The following SH2D3A variants were observed in gnomAD, a reference collection of about 807,000 sequenced individuals.
SH2D3A encodes the protein SH2 domain containing 3A.
In SH2D3A, 46 loss-of-function variants were observed where a neutral mutation model predicts 50.6. The observed-to-expected ratio is 0.91, with a 90% confidence interval of 0.72 to 1.16. The LOEUF is 1.16. Among genes scored for constraint, SH2D3A ranks in the 50% most tolerant of loss-of-function variants. The pLI, the probability that SH2D3A is intolerant of heterozygous loss-of-function variation, is 0.00. For synonymous variants in SH2D3A, 377 were observed against 348.4 expected, an observed-to-expected ratio of 1.08 and a Z score of -0.91; for missense variants, 783 against 786.2, an observed-to-expected ratio of 1.00 and a Z score of 0.05.
rs779705713 is a variant in SH2D3A, at chr19:6,753,506, A to C, written c.1520T>G (p.Met507Arg). Residue 507 changes from methionine (M) to arginine (R), a missense_variant, in exon 9 of 10, where the codon ATG becomes AGG. Physicochemically the swap from Met to Arg is moderately conservative, Grantham distance 91. Transcript: ENST00000245908. ...GCGGAATTTGGGTGCGTCCCGGACCATGTGACGCGCCCCGTGCAGGGTGCG... is the reference window on the plus strand; with the variant it reads ...GCGGAATTTGGGTGCGTCCCGGACCCTGTGACGCGCCCCGTGCAGGGTGCG... ...LLRTLHGARH[M>R]VRDAPKFRKV... The C allele has an allele frequency of 6.4e-7, 1 of 1,556,014 alleles. No homozygotes were observed. Among genetic ancestry groups the C allele is most frequent in the Non-Finnish European group, 8.7e-7 (1 of 1,150,356 alleles).
In SH2D3A at chr19:6,753,442, G is replaced by A; in HGVS notation, c.1570+14C>T. On this transcript the variant is annotated intron_variant, in intron 9 of 9. Coordinates refer to ENST00000245908, the MANE Select transcript of SH2D3A (RefSeq NM_005490.3). ...GCTCTGAAGTCTGCAGTCCAGCGCA[G>A]AGGGAACGCTCACCTCGCAGGCGCT... 1 of 1,490,334 alleles carries A rather than the reference G, an allele frequency of 6.7e-7. No individual in the cohort carries two copies. Among genetic ancestry groups the A allele is most frequent in the Non-Finnish European group, 9.0e-7 (1 of 1,112,926 alleles). 92.3% of individuals were successfully genotyped at this position (1,490,334 alleles called of 1,614,324 possible). A position where few individuals can be genotyped will look rare whatever the true frequency, so the allele number is the denominator to read the frequency against.
At chr19:6,753,981 A>G in intron 8 of SH2D3A, 71 bp downstream of exon 8, 1 of 1,476,584 alleles carries the variant, frequency 6.8e-7, no homozygotes, top group Non-Finnish European at 9.1e-7. Flanking sequence ...GACTGGGCAT[A>G]GGACTAGATT....
intron 4 of SH2D3A, among the ~76,000 whole-genome samples, chr19:6,756,509 C>T (rs1969689661): frequency 6.6e-6 from 1 of 151,876 alleles, no homozygotes; most frequent in South Asian, 2.1e-4. Flanking sequence ...ATCTGTGTGC[C>T]ATGGTGGTTT....
At chr19:6,753,797 G>T (rs1243436894) in intron 8 of SH2D3A, among the ~76,000 whole-genome samples, 156 bp from the exon 9 acceptor site, 1 of 152,156 alleles carries the variant, frequency 6.6e-6, no homozygotes, top group Non-Finnish European at 1.5e-5. Context: ...TGGAGGGCGG[G>T]GCCTATGGCG....
At chr19:6,761,954 C>CA (rs111334954) in intron 2 of SH2D3A, among the ~76,000 whole-genome samples, 277 of 67,434 alleles carry the variant, frequency 4.1e-3, no homozygotes, top group Middle Eastern at 0.023. Flanking sequence ...GTCTCAAAAA[C>CA]AAAAAAAAAA....
intron 8 of SH2D3A, among the ~76,000 whole-genome samples, 176 bp downstream of exon 8, chr19:6,753,876 G>A (rs1051644952): frequency 3.7e-4 from 56 of 152,078 alleles, no homozygotes; most frequent in African/African-American, 1.3e-3. Flanking sequence ...AACAAGTCTC[G>A]TGTGGAGGGC....
rs754330790 is a variant in SH2D3A at position 6,755,138 on chromosome 19, G to C, written c.674C>G (p.Ser225Cys). ...RTPSFELPDA[S>C]ERPPTYCELV... Reference sequence around the variant, plus strand: ...CTCGCAGTACGTCGGGGGACGTTCAGAGGCATCAGGCAGTTCGAAGGAGGG... The same window carrying C: ...CTCGCAGTACGTCGGGGGACGTTCACAGGCATCAGGCAGTTCGAAGGAGGG... Residue 225 changes from serine to cysteine, a missense_variant, in exon 5 of 10, where the codon TCT becomes TGT. By Grantham distance (112) the Ser-to-Cys change is moderately radical. Coordinates refer to ENST00000245908, the MANE Select transcript of SH2D3A (RefSeq NM_005490.3). 1.2e-6 allele frequency: 2 copies of C among 1,613,322 alleles called. No individual in the cohort carries two copies. The highest frequency in any genetic ancestry group is 1.7e-6 in the Non-Finnish European group (2 of 1,179,540).
chr19:6,763,538 C>T, intron 2 of SH2D3A, 142 bp downstream of exon 2: 1 of 579,410 alleles, frequency 1.7e-6, no homozygotes. Context: ...AGCCAGCCAA[C>T]CTTCAAGACA....
intron 1 of SH2D3A, 136 bp downstream of exon 1, chr19:6,767,251 G>C (rs1970348105): frequency 6.6e-6 from 1 of 152,192 alleles, no homozygotes; most frequent in Admixed American, 6.5e-5. Context: ...CACGCGTAAC[G>C]CACAGCGACC....
chr19:6,765,237 G>A (rs1414656211), intron 1 of SH2D3A, among the ~76,000 whole-genome samples: 1 of 151,996 alleles, frequency 6.6e-6, no homozygotes, highest in Non-Finnish European at 1.5e-5. Context: ...ACGTTGCCCA[G>A]GCTGGGTGAA....
At position 6,754,143 on chromosome 19, in the gene SH2D3A, C is replaced by A; in HGVS notation, c.1293G>T (p.Thr431=). ...LMPQVSRLEH[T]WRQLRRSHTE... Reference sequence around the variant, plus strand: ...TGTGGCTCCTTCGGAGCTGGCGCCACGTGTGCTCCAACCGGGACACCTGGG... The same window carrying A: ...TGTGGCTCCTTCGGAGCTGGCGCCAAGTGTGCTCCAACCGGGACACCTGGG... Residue 431 remains threonine, a synonymous_variant, in exon 8 of 10, where the codon ACG becomes ACT. Transcript: ENST00000245908. 3 of 1,613,366 alleles carry A rather than the reference C, an allele frequency of 1.9e-6. No individual in the cohort carries two copies. The highest frequency in any genetic ancestry group is 1.7e-5 in the Admixed American group (1 of 59,928).
chr19:6,753,622 C>A lies in SH2D3A; in HGVS notation c.1404G>T (p.Glu468Asp). The A allele has an allele frequency of 6.3e-7, 1 of 1,583,768 alleles. No individual in the cohort carries two copies. The highest frequency in any genetic ancestry group is 1.2e-5 in the South Asian group (1 of 86,582). ...TGGGTGCCACGTGCGGCAGCGCCAC[C>A]TCGCCGGGGTCGCAGGGTCCTGCGG... is the stretch of plus-strand genomic sequence containing the variant. ...DEGAGPCDPG[E>D]VALPHVAPMV... The change falls in exon 9 of 10, where the codon GAG becomes GAT. Residue 468 changes from glutamate to aspartate, a missense_variant. By Grantham distance (45) the Glu-to-Asp change is conservative. Transcript: ENST00000245908.
intron 1 of SH2D3A, 133 bp from the exon 2 acceptor site, chr19:6,763,949 A>C: frequency 6.4e-6 from 2 of 313,784 alleles, no homozygotes; most frequent in Non-Finnish European, 1.1e-5. Context: ...GTCTCATTCT[A>C]TCACCCAGGC....
At chr19:6,766,737 A>C (rs74574985) in intron 1 of SH2D3A, among the ~76,000 whole-genome samples, 2,033 of 152,356 alleles carry the variant, frequency 0.013, 79 homozygotes, top group East Asian at 0.076. Flanking sequence ...GCAAACGAGC[A>C]CAAGATGAAT....
intron 9 of SH2D3A, 105 bp downstream of exon 9, chr19:6,753,351 G>C: frequency 7.1e-7 from 1 of 1,400,556 alleles, no homozygotes; most frequent in South Asian, 1.6e-5. Flanking sequence ...GCTCCGGGAG[G>C]CGTGGCGAGA....
chr19:6,761,110 A>T, intron 2 of SH2D3A, 123 bp from the exon 3 acceptor site: 1 of 760,102 alleles, frequency 1.3e-6, no homozygotes, highest in South Asian at 1.9e-5. Context: ...CTTCTGTGGC[A>T]GGCAAAGACG....
intron 4 of SH2D3A, chr19:6,759,168 C>T (rs925757556): frequency 4.2e-5 from 7 of 168,594 alleles, no homozygotes; most frequent in Non-Finnish European, 7.7e-5. Context: ...GTCTGGAGTG[C>T]GGTAGCGCCA....
At chr19:6,752,849 C>T in intron 9 of SH2D3A, 96 bp from the exon 10 acceptor site, 1 of 1,426,640 alleles carries the variant, frequency 7.0e-7, no homozygotes, top group Non-Finnish European at 9.2e-7. Context: ...AGGACTTTGA[C>T]CCAACAGGGG....
At chr19:6,759,036 T>C (rs1382857845) in intron 4 of SH2D3A, 1 of 152,240 alleles carries the variant, frequency 6.6e-6, no homozygotes, top group African/African-American at 2.4e-5. Flanking sequence ...GTGACCAGCA[T>C]GAGGAGGGTA....
Sources: allele counts gnomAD v4.1 joint callset (sites outside exome capture counted in the v4.1 genomes callset), GRCh38; gene constraint gnomAD v4.1.1; transcripts MANE v1.5; gene names NCBI Gene and HGNC (gene_info 2026-07-23, HGNC 2026-07-21).